The following PTPRE variants were observed in gnomAD, a reference collection of about 807,000 sequenced individuals.
PTPRE encodes protein tyrosine phosphatase receptor type E.
PTPRE carries 51 observed loss-of-function variants against 102.0 expected under a neutral mutation model. That is an observed-to-expected ratio of 0.50 (90% CI 0.40 to 0.63). The LOEUF is 0.63. Among genes scored for constraint, PTPRE ranks in the 30% least tolerant of loss-of-function variants. The pLI is 0.00. For synonymous variants in PTPRE, 345 were observed against 348.2 expected (o/e 0.99, Z 0.10); for missense variants, 752 against 915.1 (o/e 0.82, Z 2.30).
intron 7 of PTPRE, among the ~76,000 whole-genome samples, chr10:128,059,962 C>G (rs1455877594): frequency 6.6e-6 from 1 of 150,410 alleles, no homozygotes; most frequent in Non-Finnish European, 1.5e-5. Context: ...ACAACACACA[C>G]ACTACACACC....
intron 6 of PTPRE, among the ~76,000 whole-genome samples, chr10:128,050,241 G>C (rs1016467900): frequency 6.6e-6 from 1 of 151,850 alleles, no homozygotes; most frequent in Non-Finnish European, 1.5e-5. Flanking sequence ...TGGATGGGTG[G>C]ATGGATGGAT....
At position 128,077,597 on chromosome 10, in the gene PTPRE, A is replaced by G; in HGVS notation, c.1726-20A>G. 1.3e-6 allele frequency: 2 copies of G among 1,588,118 alleles called. No individual in the cohort carries two copies. Among genetic ancestry groups the G allele is most frequent in the Non-Finnish European group, 1.7e-6 (2 of 1,161,722 alleles). Reference sequence around the variant, plus strand: ...TCCCCGGCAGGCAGGCGACGCTGAGACCCCCTCTCCTCCCTGCAGCCCCAG... The same window carrying G: ...TCCCCGGCAGGCAGGCGACGCTGAGGCCCCCTCTCCTCCCTGCAGCCCCAG... On this transcript the variant is annotated intron_variant, in intron 18 of 20. Coordinates refer to ENST00000254667, the MANE Select transcript of PTPRE (RefSeq NM_006504.6).
intron 15 of PTPRE, 165 bp from the exon 16 acceptor site, chr10:128,071,973 G>A (rs139918712): frequency 5.3e-6 from 3 of 567,158 alleles, no homozygotes; most frequent in Non-Finnish European, 6.2e-6. Context: ...AAATACCCCT[G>A]AGCCACTTTA....
At chr10:127,917,739 T>C (rs1846307745) in intron 1 of PTPRE, among the ~76,000 whole-genome samples, 1 of 152,066 alleles carries the variant, frequency 6.6e-6, no homozygotes, top group Non-Finnish European at 1.5e-5. Context: ...CCTAATAAAA[T>C]GCCATGTAGG....
At chr10:127,961,186 G>A (rs1849780936) in intron 1 of PTPRE, among the ~76,000 whole-genome samples, 1 of 152,090 alleles carries the variant, frequency 6.6e-6, no homozygotes, top group Non-Finnish European at 1.5e-5. Flanking sequence ...CCTTCTCCTG[G>A]GGCATAGAAG....
intron 1 of PTPRE, among the ~76,000 whole-genome samples, chr10:127,910,302 C>A (rs1265128756): frequency 6.6e-6 from 1 of 152,184 alleles, no homozygotes; most frequent in Non-Finnish European, 1.5e-5. Context: ...CCTCCTTCCC[C>A]TTTATTTCCA....
intron 1 of PTPRE, among the ~76,000 whole-genome samples, chr10:127,916,024 G>T (rs1423935106): frequency 1.3e-4 from 19 of 151,092 alleles, no homozygotes; most frequent in Non-Finnish European, 1.5e-5. Flanking sequence ...ACGATGGCTT[G>T]TGACATCCTG....
rs1850596969 is a variant in PTPRE at position 128,069,705 on chromosome 10, C to A, written c.1021C>A (p.Arg341=). 1 of 1,614,086 alleles carries A rather than the reference C, an allele frequency of 6.2e-7. No individual in the cohort carries two copies. Among genetic ancestry groups the A allele is most frequent in the Admixed American group, 1.7e-5 (1 of 60,014 alleles). The part of the protein sequence containing the change: ...IVVHCSAGVG[R]TGTFIVIDAM... ...CTTTCCCCAAAGCGCGGGCGTGGGC[C>A]GGACGGGCACCTTCATTGTGATCGA... The change falls in exon 13 of 21, where the codon CGG becomes AGG. Residue 341 remains arginine, a synonymous_variant. Coordinates refer to ENST00000254667, the MANE Select transcript of PTPRE (RefSeq NM_006504.6).
rs1266946661 is a variant in PTPRE at position 128,049,514 on chromosome 10, TC to T, written c.284-15del. 6.2e-7 allele frequency: 1 copy of T among 1,612,862 alleles called. No individual in the cohort carries two copies. The highest frequency in any genetic ancestry group is 1.3e-5 in the African/African-American group (1 of 74,884). On this transcript the variant is annotated splice_polypyrimidine_tract_variant and intron_variant, in intron 5 of 20. Transcript: ENST00000254667. ...AATGTGGCTAAATGGCCCCCATGTT[TC>T]TTTTGATCCCACAGAGCAGCAAAGG...
chr10:128,083,763 G>T lies in PTPRE; in HGVS notation c.*857G>T, dbSNP rs914104627. The T allele has an allele frequency of 6.6e-6, 1 of 152,336 alleles. No individual in the cohort carries two copies. Among genetic ancestry groups the T allele is most frequent in the Non-Finnish European group, 1.5e-5 (1 of 68,148 alleles). The allele number at this position is 152,336 out of a possible 1,614,324, so 9.4% of individuals were successfully genotyped here. The stretch of plus-strand genomic sequence containing the variant: ...TGCCACAGCGGCCTGGGCTGGTCCA[G>T]TGCTATGCCTGGAGGCTCAACACAA... On this transcript the variant is annotated 3_prime_UTR_variant, in exon 21 of 21. Coordinates refer to ENST00000254667, the MANE Select transcript of PTPRE (RefSeq NM_006504.6).
At chr10:127,984,758 G>T (rs1446840439) in intron 2 of PTPRE, among the ~76,000 whole-genome samples, 1 of 152,108 alleles carries the variant, frequency 6.6e-6, no homozygotes, top group Admixed American at 6.5e-5. Flanking sequence ...CTCTTCTCTT[G>T]TCTGTGCCAT....
intron 8 of PTPRE, among the ~76,000 whole-genome samples, chr10:128,061,401 G>A (rs944141820): frequency 6.6e-6 from 1 of 152,136 alleles, no homozygotes; most frequent in African/African-American, 2.4e-5. Context: ...AAAATAAATT[G>A]TACATGTTCA....
At chr10:127,970,961 G>A (rs1401082774) in intron 1 of PTPRE, among the ~76,000 whole-genome samples, 2 of 152,150 alleles carry the variant, frequency 1.3e-5, no homozygotes, top group African/African-American at 2.4e-5. Context: ...AAGCTTCTAT[G>A]TCATTAAAAT....
Position 128,063,119 on chromosome 10 carries a change from T to C in PTPRE, c.662T>C (p.Met221Thr), listed in dbSNP as rs1425235424. The change falls in exon 10 of 21, where the codon ATG becomes ACG. Residue 221 changes from methionine to threonine, a missense_variant. Around this residue, in one of 2 missense-constraint regions of PTPRE, gnomAD observed 636 missense variants for 824.4 expected, o/e 0.77. Coordinates refer to ENST00000254667, the MANE Select transcript of PTPRE (RefSeq NM_006504.6). ...KQETVNDFWRMVWEQKSATIV... is the reference protein window; with the variant it reads ...KQETVNDFWRTVWEQKSATIV... ...GAAACGGTTAACGACTTCTGGAGAA[T>C]GGTCTGGGAGCAAAAGTCTGCGACC... 2 of 1,614,184 alleles carry C rather than the reference T, an allele frequency of 1.2e-6. No homozygotes were observed. The highest frequency in any genetic ancestry group is 2.2e-5 in the East Asian group (1 of 44,886).
chr10:127,963,896 C>T (rs1381929247), intron 1 of PTPRE, among the ~76,000 whole-genome samples: 1 of 152,208 alleles, frequency 6.6e-6, no homozygotes, highest in Non-Finnish European at 1.5e-5. Context: ...AGCCCATTTG[C>T]AGAGCTACCT....
In PTPRE at chr10:127,907,938, G is replaced by A. The variant is rs1845603924; in HGVS notation, c.-31+629G>A. Among the ~76,000 whole-genome samples the A allele has an allele frequency of 6.6e-6, 1 of 152,158 alleles. No homozygotes were observed. The highest frequency in any genetic ancestry group is 1.5e-5 in the Non-Finnish European group (1 of 68,026). ...GACTGCCGCGATTTGCAGGGTCGAC[G>A]ACCTCACAGGGCTCCTGAGCACAGA... is the stretch of plus-strand genomic sequence containing the variant. On this transcript the variant is annotated intron_variant, in intron 1 of 20. Transcript: ENST00000254667. The surrounding 1 kb of genome is among the most constrained non-coding windows in gnomAD (Gnocchi z 4.8).
At chr10:127,935,962 AG>A (rs1171474844) in intron 1 of PTPRE, 1 of 152,234 alleles carries the variant, frequency 6.6e-6, no homozygotes, top group African/African-American at 2.4e-5. Flanking sequence ...CTCTCACCTC[AG>A]GTGCCTTCCT....
chr10:128,076,561 A>C, intron 17 of PTPRE, 42 bp from the exon 18 acceptor site: 6 of 1,543,566 alleles, frequency 3.9e-6, no homozygotes, highest in Non-Finnish European at 5.2e-6. Context: ...CCAGCAGCAA[A>C]TTATTTATTA....
At chr10:128,074,118 A>G (rs1489148049) in intron 17 of PTPRE, among the ~76,000 whole-genome samples, 1 of 152,126 alleles carries the variant, frequency 6.6e-6, no homozygotes, top group African/African-American at 2.4e-5. Context: ...GGCAACCACT[A>G]ATCTGCTTCC....
Sources: allele counts gnomAD v4.1 joint callset (sites outside exome capture counted in the v4.1 genomes callset), GRCh38; gene constraint gnomAD v4.1.1; regional missense constraint gnomAD v4.1.1; non-coding constraint Gnocchi (gnomAD v3.1); transcripts MANE v1.5; gene names NCBI Gene and HGNC (gene_info 2026-07-23, HGNC 2026-07-21).